Variants in PLXDC2 observed in about 807,000 individuals in gnomAD.
PLXDC2 encodes plexin domain containing 2, also known as plexin domain-containing protein 2.
Under a neutral mutation model 68.9 loss-of-function variants are expected in PLXDC2, and 40 were observed. That is an observed-to-expected ratio of 0.58 (90% CI 0.45 to 0.76). The LOEUF (loss-of-function observed/expected upper bound fraction) is 0.76, where lower values mean the gene tolerates loss of function less well. PLXDC2 is among the 30% of genes least tolerant of loss of function. The pLI is 0.00. For synonymous variants in PLXDC2, 243 were observed against 234.2 expected (o/e 1.04, Z -0.34); for missense variants, 644 against 661.9 (o/e 0.97, Z 0.30).
chr10:20,244,180 T>G (rs1194103927), intron 12 of PLXDC2, among the ~76,000 whole-genome samples: 1 of 152,204 alleles, frequency 6.6e-6, no homozygotes, highest in Non-Finnish European at 1.5e-5. Context: ...AGTCATATGG[T>G]GCACTTAAGA....
intron 4 of PLXDC2, among the ~76,000 whole-genome samples, chr10:20,082,947 A>ATATGTATGTATG (rs143600746): frequency 0.022 from 3,335 of 151,714 alleles, 132 homozygotes; most frequent in African/African-American, 0.074. Flanking sequence ...ATATGTACAT[A>ATATGTATGTATG]TATGTATGTA....
At chr10:20,082,638 T>C (rs1227222023) in intron 4 of PLXDC2, among the ~76,000 whole-genome samples, 1 of 152,318 alleles carries the variant, frequency 6.6e-6, no homozygotes, top group East Asian at 1.9e-4. Flanking sequence ...CTGATGACAA[T>C]GTATCGTTAT....
chr10:19,980,644 G>T (rs1834536757), intron 1 of PLXDC2, among the ~76,000 whole-genome samples: 1 of 152,122 alleles, frequency 6.6e-6, no homozygotes, highest in African/African-American at 2.4e-5. Flanking sequence ...ACACACATAC[G>T]TATAAGAAAA....
intron 4 of PLXDC2, among the ~76,000 whole-genome samples, chr10:20,072,273 G>A (rs924973683): frequency 4.0e-5 from 6 of 151,698 alleles, no homozygotes; most frequent in African/African-American, 9.7e-5. Context: ...AGGAGGCGGC[G>A]ACAGGAGAAT....
intron 1 of PLXDC2, among the ~76,000 whole-genome samples, chr10:19,845,800 G>T (rs904728365): frequency 3.3e-5 from 5 of 152,144 alleles, no homozygotes; most frequent in Admixed American, 6.5e-5. Context: ...CTAAGAAGGG[G>T]TAGTAGCTTT....
chr10:19,878,827 C>T (rs548984991), intron 1 of PLXDC2, among the ~76,000 whole-genome samples: 49 of 152,178 alleles, frequency 3.2e-4, no homozygotes, highest in African/African-American at 7.9e-4. Context: ...ATATATAAAA[C>T]GAACTGTGGC....
chr10:20,078,739 T>A (rs1836495172), intron 4 of PLXDC2, among the ~76,000 whole-genome samples: 1 of 152,008 alleles, frequency 6.6e-6, no homozygotes, highest in Non-Finnish European at 1.5e-5. Flanking sequence ...TTATAAGGAG[T>A]GAGTAGAAAT....
intron 9 of PLXDC2, among the ~76,000 whole-genome samples, chr10:20,199,215 A>G (rs1834884919): frequency 6.6e-6 from 1 of 152,032 alleles, no homozygotes; most frequent in African/African-American, 2.4e-5. Context: ...AAAATATTTG[A>G]TAAAATTTAA....
intron 9 of PLXDC2, among the ~76,000 whole-genome samples, chr10:20,204,457 T>G (rs1403284761): frequency 6.6e-6 from 1 of 152,132 alleles, no homozygotes; most frequent in East Asian, 1.9e-4. Context: ...TTCTGGAGGA[T>G]CATTTTTCAT....
intron 12 of PLXDC2, among the ~76,000 whole-genome samples, chr10:20,242,973 A>G (rs1271551588): frequency 1.3e-5 from 2 of 152,170 alleles, no homozygotes; most frequent in African/African-American, 4.8e-5. Flanking sequence ...TGGCCTCCCA[A>G]CGTGCTGGGA....
intron 4 of PLXDC2, among the ~76,000 whole-genome samples, chr10:20,119,722 C>T (rs369936545): frequency 1.3e-5 from 2 of 151,962 alleles, no homozygotes; most frequent in East Asian, 1.9e-4. Context: ...AGGGCTGCTT[C>T]GAGCGGGATT....
At chr10:20,018,355 T>A (rs1835248579) in intron 2 of PLXDC2, among the ~76,000 whole-genome samples, 1 of 152,196 alleles carries the variant, frequency 6.6e-6, no homozygotes, top group Non-Finnish European at 1.5e-5. Flanking sequence ...ATTCCAGACT[T>A]CTTCTCTACT....
chr10:20,028,782 G>A (rs1564661960), intron 2 of PLXDC2, among the ~76,000 whole-genome samples: 1 of 152,120 alleles, frequency 6.6e-6, no homozygotes, highest in Non-Finnish European at 1.5e-5. Flanking sequence ...TATTGAAATA[G>A]CTTCCAAACC....
intron 4 of PLXDC2, among the ~76,000 whole-genome samples, chr10:20,112,548 C>T (rs1833573237): frequency 6.6e-6 from 1 of 152,120 alleles, no homozygotes; most frequent in Non-Finnish European, 1.5e-5. Flanking sequence ...ATTTAGTGAC[C>T]TTTTTAATTT....
At chr10:20,057,109 A>C (rs1260808342) in intron 3 of PLXDC2, among the ~76,000 whole-genome samples, 1 of 152,190 alleles carries the variant, frequency 6.6e-6, no homozygotes, top group African/African-American at 2.4e-5. Context: ...ATGAAGACTT[A>C]CGATGGTTTA....
intron 9 of PLXDC2, among the ~76,000 whole-genome samples, chr10:20,200,696 A>G (rs751058001): frequency 1.3e-5 from 2 of 152,120 alleles, no homozygotes; most frequent in African/African-American, 2.4e-5. Context: ...CAACAACCTA[A>G]TTAAAAACTA....
intron 2 of PLXDC2, among the ~76,000 whole-genome samples, chr10:20,044,367 A>T (rs1289292638): frequency 6.8e-6 from 1 of 148,024 alleles, no homozygotes; most frequent in African/African-American, 2.5e-5. Flanking sequence ...CTGGAGTGTA[A>T]CAGCACGATC....
chr10:19,976,071 C>T (rs1222526598), intron 1 of PLXDC2, among the ~76,000 whole-genome samples: 1 of 152,098 alleles, frequency 6.6e-6, no homozygotes, highest in Non-Finnish European at 1.5e-5. Context: ...GTGGCCTATC[C>T]CCATGCAAAG....
intron 2 of PLXDC2, among the ~76,000 whole-genome samples, chr10:20,026,158 T>G (rs1401313405): frequency 7.9e-6 from 1 of 127,332 alleles, no homozygotes; most frequent in Non-Finnish European, 1.9e-5. Flanking sequence ...ATTATGTTAT[T>G]AAGGTTTAAT....
Sources: gnomAD v4.1 joint callset for allele counts (sites outside exome capture counted in the v4.1 genomes callset) on GRCh38, gnomAD v4.1.1 for gene constraint, MANE v1.5 for transcripts, NCBI Gene and HGNC (gene_info 2026-07-23, HGNC 2026-07-21) for gene names.